The following ATF6 variants were observed in gnomAD, a reference collection of about 807,000 sequenced individuals.
The protein encoded by ATF6 is activating transcription factor 6.
In ATF6, 53 loss-of-function variants were observed where a neutral mutation model predicts 83.6. The ratio of observed to expected loss-of-function variants is 0.63; its 90% CI spans 0.51 to 0.80. The LOEUF (loss-of-function observed/expected upper bound fraction) is 0.80. Ranked by LOEUF, ATF6 falls within the 30% of genes least tolerant of loss-of-function variation. The probability of loss-of-function intolerance (pLI) is 0.00; values close to 1 mark genes in which losing one functional copy is unlikely to be tolerated. For synonymous variants in ATF6, 288 were observed against 285.8 expected, an observed-to-expected ratio of 1.01 and a Z score of -0.08; for missense variants, 744 against 797.9, an observed-to-expected ratio of 0.93 and a Z score of 0.81.
rs920530153 is a variant in ATF6 at position 161,937,587 on chromosome 1, G to T, written c.1805-20859G>T. On this transcript the variant is annotated intron_variant, in intron 15 of 15. Transcript: ENST00000367942. ...CTCTTATAAAAAGACAAAGGACTTT[G>T]CAGGGACGTGGATGAAGCTGGAAAC... Among the ~76,000 whole-genome samples the T allele has an allele frequency of 5.3e-5, 8 of 152,144 alleles. No individual in the cohort carries two copies. The East Asian group carries it at 9.7e-4, about 18-fold the overall frequency.
At chr1:161,791,084 C>CTGTGTG (rs1186497785) in intron 4 of ATF6, among the ~76,000 whole-genome samples, 2 of 67,680 alleles carry the variant, frequency 3.0e-5, no homozygotes, top group East Asian at 1.4e-3. Context: ...GTGTGTGTGT[C>CTGTGTG]TCTGTGTGTG....
At chr1:161,942,474 A>T (rs1688666281) in intron 15 of ATF6, among the ~76,000 whole-genome samples, 1 of 152,076 alleles carries the variant, frequency 6.6e-6, no homozygotes, top group South Asian at 2.1e-4. Context: ...TCTTGCAACC[A>T]CCCTATGGGT....
intron 10 of ATF6, among the ~76,000 whole-genome samples, chr1:161,848,850 A>C (rs550173672): frequency 2.0e-5 from 3 of 151,874 alleles, no homozygotes; most frequent in Admixed American, 2.0e-4. Flanking sequence ...TGTTGGTCTA[A>C]TTGTCTCCAG....
At chr1:161,794,918 G>T (rs997621230) in intron 6 of ATF6, among the ~76,000 whole-genome samples, 21 of 152,218 alleles carry the variant, frequency 1.4e-4, no homozygotes, top group Non-Finnish European at 2.5e-4. Flanking sequence ...ATTGGATTGT[G>T]TAGAAGGAGG....
rs746085909 is a variant in ATF6, at chr1:161,958,621, C to T, written c.1980C>T (p.His660=). The T allele has an allele frequency of 1.6e-5, 26 of 1,613,526 alleles. No homozygotes were observed. The highest frequency in any genetic ancestry group is 1.0e-4 in the Admixed American group (6 of 59,978). The part of the protein sequence containing the change: ...GSPPAATEAT[H]VVSTIPESLQ ...CTCCCGCAGCCACAGAGGCAACCCA[C>T]GTTGTCAGCACCATCCCTGAGTCAT... Residue 660 remains histidine (H), a synonymous_variant, in exon 16 of 16, where the codon CAC becomes CAT. Coordinates refer to ENST00000367942, the MANE Select transcript of ATF6 (RefSeq NM_007348.4).
intron 7 of ATF6, among the ~76,000 whole-genome samples, chr1:161,806,852 T>C (rs933759069): frequency 6.6e-6 from 1 of 152,170 alleles, no homozygotes. Flanking sequence ...ATTAGAACTT[T>C]GTATTTCCTT....
chr1:161,923,062 C>G (rs1019121409), intron 15 of ATF6, among the ~76,000 whole-genome samples: 7 of 152,154 alleles, frequency 4.6e-5, no homozygotes, highest in Non-Finnish European at 1.0e-4. Context: ...ATCCTACCAC[C>G]TCTGCAAAAC....
At chr1:161,819,929 A>G in intron 8 of ATF6, 111 bp downstream of exon 8, 2 of 1,050,450 alleles carry the variant, frequency 1.9e-6, no homozygotes, top group South Asian at 4.3e-5. Context: ...TAGTGCTAGG[A>G]AAAGGAGGGT....
chr1:161,963,246 A>G lies in ATF6; in HGVS notation c.*4592A>G, dbSNP rs1237690341. 1.3e-5 allele frequency: 2 copies of G among 152,242 alleles called. No homozygotes were observed. Among genetic ancestry groups the G allele is most frequent in the Non-Finnish European group, 2.9e-5 (2 of 68,042 alleles). The allele number at this position is 152,242 out of a possible 1,614,324, so 9.4% of individuals were successfully genotyped here. On this transcript the variant is annotated 3_prime_UTR_variant, in exon 16 of 16. Transcript: ENST00000367942. ...CTTTAAACAGTTTATTTTGGGTAAG[A>G]CTAGAACTTTCGGCCATTTGTTCTA...
At chr1:161,826,931 AT>A (rs11376981) in intron 9 of ATF6, among the ~76,000 whole-genome samples, 56 of 129,600 alleles carry the variant, frequency 4.3e-4, no homozygotes, top group East Asian at 2.9e-3. Flanking sequence ...GATTGGCCCC[AT>A]TTTTTTTTTT....
intron 15 of ATF6, among the ~76,000 whole-genome samples, chr1:161,943,374 T>A (rs546657026): frequency 1.9e-4 from 29 of 152,310 alleles, no homozygotes; most frequent in Non-Finnish European, 2.9e-4. Flanking sequence ...CTGCCATGAT[T>A]GTAAGTTTCC....
intron 14 of ATF6, among the ~76,000 whole-genome samples, chr1:161,908,411 G>A (rs1394600252): frequency 5.9e-5 from 9 of 152,146 alleles, no homozygotes; most frequent in African/African-American, 2.2e-4. Flanking sequence ...AAATTGCTTG[G>A]AAGAGGGAAT....
At chr1:161,803,083 T>G (rs1685194368) in intron 7 of ATF6, among the ~76,000 whole-genome samples, 1 of 152,248 alleles carries the variant, frequency 6.6e-6, no homozygotes. Flanking sequence ...TACTACTAGT[T>G]GTTAATATTA....
At chr1:161,815,053 A>G (rs1383524876) in intron 7 of ATF6, among the ~76,000 whole-genome samples, 2 of 152,170 alleles carry the variant, frequency 1.3e-5, no homozygotes, top group African/African-American at 2.4e-5. Flanking sequence ...AATGAGAATA[A>G]GAACTGTTAG....
intron 15 of ATF6, among the ~76,000 whole-genome samples, chr1:161,948,130 C>T (rs1688791453): frequency 6.6e-6 from 1 of 152,004 alleles, no homozygotes; most frequent in South Asian, 2.1e-4. Context: ...AGAAAGGGTA[C>T]GTTCCTAATG....
intron 15 of ATF6, among the ~76,000 whole-genome samples, chr1:161,958,004 G>A (rs1689002646): frequency 6.6e-6 from 1 of 152,202 alleles, no homozygotes; most frequent in South Asian, 2.1e-4. Context: ...CCATTCACAT[G>A]GAATGCTGGT....
chr1:161,958,451 G>C lies in ATF6; in HGVS notation c.1810G>C (p.Val604Leu). 3.1e-6 allele frequency: 5 copies of C among 1,601,828 alleles called. No homozygotes were observed. Among genetic ancestry groups the C allele is most frequent in the Non-Finnish European group, 4.3e-6 (5 of 1,173,276 alleles). The change falls in exon 16 of 16, where the codon GTG becomes CTG. Residue 604 changes from valine (V) to leucine (L), a missense_variant. Val to Leu is a conservative substitution (Grantham distance 32, BLOSUM62 1). Coordinates refer to ENST00000367942, the MANE Select transcript of ATF6 (RefSeq NM_007348.4). ...GTGTATATTCCTGTCTGCAGAGAAT[G>C]TGATCAATGGGCAGGACTACGAAGT... Reference protein sequence around the residue: ...VLPAININENVINGQDYEVMM... With the variant: ...VLPAININENLINGQDYEVMM...
chr1:161,783,342 A>G (rs545905504), intron 3 of ATF6, among the ~76,000 whole-genome samples: 2 of 152,242 alleles, frequency 1.3e-5, no homozygotes, highest in South Asian at 4.1e-4. Flanking sequence ...ATCATGAAGG[A>G]TGGTAGATAT....
At chr1:161,806,710 A>G (rs969241193) in intron 7 of ATF6, among the ~76,000 whole-genome samples, 4 of 152,072 alleles carry the variant, frequency 2.6e-5, no homozygotes, top group Middle Eastern at 3.2e-3. Flanking sequence ...CCATCCCAAA[A>G]TGACTTCCCT....
Sources: gnomAD v4.1 joint callset for allele counts (sites outside exome capture counted in the v4.1 genomes callset) on GRCh38, gnomAD v4.1.1 for gene constraint, MANE v1.5 for transcripts, NCBI Gene and HGNC (gene_info 2026-07-23, HGNC 2026-07-21) for gene names.